Variants in EYS observed in about 807,000 individuals in gnomAD.
The protein encoded by EYS is EGF-like photoreceptor maintenance factor, also known as protein eyes shut homolog.
Under a neutral mutation model 282.1 loss-of-function variants are expected in EYS, and 250 were observed. That is an observed-to-expected ratio of 0.89 (90% CI 0.80 to 0.98). The LOEUF (loss-of-function observed/expected upper bound fraction) is 0.98. Ranked by LOEUF, EYS falls within the 50% of genes least tolerant of loss-of-function variation. EYS has a pLI of 0.00. For missense variants in EYS, 4,016 were observed against 3,709.0 expected (o/e 1.08, Z -2.15); for synonymous variants, 1,355 against 1,282.9 (o/e 1.06, Z -1.20).
intron 22 of EYS, among the ~76,000 whole-genome samples, chr6:64,795,608 A>G (rs1473390305): frequency 6.6e-6 from 1 of 152,172 alleles, no homozygotes; most frequent in Non-Finnish European, 1.5e-5. Context: ...ACTTTATGGC[A>G]TTTCACTCTC....
At chr6:64,644,404 A>G (rs933603392) in intron 22 of EYS, among the ~76,000 whole-genome samples, 3 of 152,176 alleles carry the variant, frequency 2.0e-5, no homozygotes, top group Non-Finnish European at 4.4e-5. Flanking sequence ...TGAAGAGGGT[A>G]AGAACCAAGA....
intron 26 of EYS, among the ~76,000 whole-genome samples, chr6:64,578,846 C>T (rs1314228789): frequency 6.6e-6 from 1 of 152,034 alleles, no homozygotes; most frequent in Non-Finnish European, 1.5e-5. Context: ...TAGGCGATAA[C>T]ACTGTTGAGG....
intron 12 of EYS, among the ~76,000 whole-genome samples, chr6:65,220,547 C>A (rs190041524): frequency 6.6e-6 from 1 of 152,098 alleles, no homozygotes; most frequent in Non-Finnish European, 1.5e-5. Context: ...CCCCAGCATG[C>A]GGAACTGTGA....
rs115833787 is a variant in EYS, at chr6:65,358,312, C to T, written c.1300-4695G>A. Among the ~76,000 whole-genome samples the T allele has an allele frequency of 4.3e-3, 654 of 151,950 alleles. 6 individuals carry two copies. The highest frequency in any genetic ancestry group is 0.015 in the African/African-American group (611 of 41,488). The stretch of plus-strand genomic sequence containing the variant: ...AATTTATACACTTCAAACTTTACCT[C>T]TGAAATAGAAGTATGATTATCTTCA... On this transcript the variant is annotated intron_variant, in intron 8 of 42. Transcript: ENST00000503581.
chr6:65,234,855 G>C (rs1392507159), intron 12 of EYS, among the ~76,000 whole-genome samples: 1 of 152,162 alleles, frequency 6.6e-6, no homozygotes. Flanking sequence ...TACATAGCTA[G>C]TGACGTTTGA....
At chr6:64,812,524 T>C (rs148516005) in intron 22 of EYS, among the ~76,000 whole-genome samples, 2,467 of 151,854 alleles carry the variant, frequency 0.016, 42 homozygotes, top group Non-Finnish European at 0.025. Flanking sequence ...ACACAGAAAA[T>C]ACGGAAGTGA....
chr6:64,275,810 A>T (rs1582522298), intron 30 of EYS, among the ~76,000 whole-genome samples: 2 of 67,418 alleles, frequency 3.0e-5, no homozygotes, highest in East Asian at 5.6e-4. Flanking sequence ...AAAATAAAAT[A>T]AAAAAATAGC....
At chr6:64,251,433 AC>A (rs1767213363) in intron 30 of EYS, among the ~76,000 whole-genome samples, 1 of 152,150 alleles carries the variant, frequency 6.6e-6, no homozygotes. Flanking sequence ...ATCTTGTTTT[AC>A]TGAGTGTATT....
At chr6:63,777,190 G>A (rs1770086840) in intron 40 of EYS, among the ~76,000 whole-genome samples, 1 of 152,122 alleles carries the variant, frequency 6.6e-6, no homozygotes, top group Non-Finnish European at 1.5e-5. Flanking sequence ...TTTCTAGTGA[G>A]GAGGTGGAGG....
intron 2 of EYS, among the ~76,000 whole-genome samples, chr6:65,531,081 G>T (rs1767751794): frequency 6.6e-6 from 1 of 152,042 alleles, no homozygotes; most frequent in Non-Finnish European, 1.5e-5. Context: ...CGGCACAATG[G>T]AAAGTGTGGA....
intron 26 of EYS, among the ~76,000 whole-genome samples, chr6:64,453,515 C>T (rs1254800893): frequency 1.3e-5 from 2 of 152,084 alleles, no homozygotes; most frequent in African/African-American, 4.8e-5. Flanking sequence ...GGGTATCTAC[C>T]CAAAGGATTA....
intron 30 of EYS, among the ~76,000 whole-genome samples, chr6:64,281,094 C>T (rs1430854559): frequency 6.6e-6 from 1 of 151,980 alleles, no homozygotes; most frequent in African/African-American, 2.4e-5. Context: ...AGCATTCTGC[C>T]CTAATATTCA....
chr6:64,740,064 T>C (rs1412795026), intron 22 of EYS, among the ~76,000 whole-genome samples: 1 of 152,122 alleles, frequency 6.6e-6, no homozygotes, highest in Non-Finnish European at 1.5e-5. Flanking sequence ...AACTAAATGG[T>C]AATTGCTAAT....
intron 8 of EYS, among the ~76,000 whole-genome samples, chr6:65,373,589 A>C (rs1332142748): frequency 2.0e-5 from 3 of 151,768 alleles, no homozygotes; most frequent in African/African-American, 7.2e-5. Flanking sequence ...AATACATACA[A>C]ATATCTAAAA....
intron 34 of EYS, among the ~76,000 whole-genome samples, chr6:63,997,494 T>C (rs953026085): frequency 2.0e-5 from 3 of 152,182 alleles, no homozygotes; most frequent in Non-Finnish European, 4.4e-5. Flanking sequence ...GGCAGAGTTA[T>C]AAAAGCATGT....
chr6:64,924,974 G>A (rs1362329504), intron 15 of EYS, among the ~76,000 whole-genome samples: 9 of 152,080 alleles, frequency 5.9e-5, no homozygotes, highest in African/African-American at 7.2e-5. Context: ...TCACTTCCAC[G>A]TTTTTGGGTA....
Position 65,598,450 on chromosome 6 carries a change from G to A in EYS, c.-333+41328C>T, listed in dbSNP as rs191842534. ...TATTTATGCCATCCAGCATCACCTG[G>A]AGTATAGCCAATCAAACAAAGCATA... On this transcript the variant is annotated intron_variant, in intron 2 of 42. Transcript: ENST00000503581. 1.2e-3 allele frequency among the ~76,000 whole-genome samples: 186 copies of A among 151,902 alleles called. 1 individual carries two copies. Among genetic ancestry groups the A allele is most frequent in the African/African-American group, 4.3e-3 (178 of 41,446 alleles).
At chr6:64,127,445 A>AT (rs1014316684) in intron 31 of EYS, among the ~76,000 whole-genome samples, 5 of 152,028 alleles carry the variant, frequency 3.3e-5, no homozygotes, top group African/African-American at 9.7e-5. Flanking sequence ...GTTGGAGTAG[A>AT]TTTTTTCCCT....
rs115083045 is a variant in EYS, at chr6:64,332,117, G to A, written c.6079-25035C>T. On this transcript the variant is annotated intron_variant, in intron 29 of 42. Transcript: ENST00000503581. ...TCTGGAAGAGTTGAAAGAATGAACT[G>A]GACACTCAAACAGCTGTTAAAGAAG... is the stretch of plus-strand genomic sequence containing the variant. Among the ~76,000 whole-genome samples, 580 of 152,188 alleles carry A rather than the reference G, an allele frequency of 3.8e-3. 4 individuals carry two copies. The highest frequency in any genetic ancestry group is 0.013 in the African/African-American group (539 of 41,526).
Sources: allele counts gnomAD v4.1 joint callset (sites outside exome capture counted in the v4.1 genomes callset), GRCh38; gene constraint gnomAD v4.1.1; transcripts MANE v1.5; gene names NCBI Gene and HGNC (gene_info 2026-07-23, HGNC 2026-07-21).